ZDHHC14: variants seen among roughly 807,000 people sequenced by gnomAD.
ZDHHC14 encodes the protein palmitoyltransferase ZDHHC14.
Under a neutral mutation model 47.7 loss-of-function variants are expected in ZDHHC14, and 16 were observed. The observed-to-expected ratio is 0.34, with a 90% confidence interval of 0.23 to 0.51. ZDHHC14 has a LOEUF of 0.51. Ranked by LOEUF, ZDHHC14 falls within the 20% of genes least tolerant of loss-of-function variation. The probability of loss-of-function intolerance (pLI) is 0.97; values close to 1 mark genes in which losing one functional copy is unlikely to be tolerated. For missense variants in ZDHHC14, 515 were observed against 662.5 expected, an observed-to-expected ratio of 0.78 and a Z score of 2.44; for synonymous variants, 293 against 278.9, an observed-to-expected ratio of 1.05 and a Z score of -0.50.
At chr6:157,464,378 A>G (rs1204014374) in intron 1 of ZDHHC14, among the ~76,000 whole-genome samples, 1 of 152,194 alleles carries the variant, frequency 6.6e-6, no homozygotes, top group Non-Finnish European at 1.5e-5. Flanking sequence ...TTCTCCTCTG[A>G]CTAAAAAGAG....
At chr6:157,475,080 T>C (rs1402932531) in intron 1 of ZDHHC14, among the ~76,000 whole-genome samples, 2 of 152,226 alleles carry the variant, frequency 1.3e-5, no homozygotes, top group Non-Finnish European at 2.9e-5. Flanking sequence ...GATGAGAGTC[T>C]AATTTCATTC....
intron 2 of ZDHHC14, among the ~76,000 whole-genome samples, chr6:157,588,550 T>C (rs1055326374): frequency 6.6e-6 from 1 of 152,252 alleles, no homozygotes; most frequent in Non-Finnish European, 1.5e-5. Flanking sequence ...TCATGGGTAC[T>C]GTCAGTGAGT....
chr6:157,640,125 C>A (rs993758994), intron 5 of ZDHHC14, among the ~76,000 whole-genome samples: 1 of 152,192 alleles, frequency 6.6e-6, no homozygotes, highest in African/African-American at 2.4e-5. Flanking sequence ...GGGCCCTGGG[C>A]CTCCCTGAGG....
chr6:157,595,150 C>G (rs1784069731), intron 3 of ZDHHC14, among the ~76,000 whole-genome samples: 1 of 136,574 alleles, frequency 7.3e-6, no homozygotes, highest in Non-Finnish European at 1.5e-5. Context: ...CTCATTTATC[C>G]TCTGTTTCTT....
At chr6:157,543,220 T>C (rs1466363827) in intron 2 of ZDHHC14, among the ~76,000 whole-genome samples, 1 of 152,226 alleles carries the variant, frequency 6.6e-6, no homozygotes, top group Non-Finnish European at 1.5e-5. Flanking sequence ...TAAACATGTA[T>C]CTGTGATATG....
intron 1 of ZDHHC14, among the ~76,000 whole-genome samples, chr6:157,412,593 A>G (rs1421981125): frequency 6.6e-6 from 1 of 152,180 alleles, no homozygotes; most frequent in African/African-American, 2.4e-5. Context: ...GTGCCCGGCC[A>G]ATAGAATGCA....
chr6:157,523,604 A>T (rs1227295828), intron 1 of ZDHHC14, among the ~76,000 whole-genome samples: 1 of 152,158 alleles, frequency 6.6e-6, no homozygotes, highest in Non-Finnish European at 1.5e-5. Flanking sequence ...TTCATTAAAA[A>T]ACAAAGATTA....
intron 3 of ZDHHC14, among the ~76,000 whole-genome samples, chr6:157,622,927 C>T (rs1207773902): frequency 6.6e-6 from 1 of 152,168 alleles, no homozygotes; most frequent in Non-Finnish European, 1.5e-5. Context: ...GGTGCCAGGG[C>T]TCTGAGGGTG....
intron 1 of ZDHHC14, among the ~76,000 whole-genome samples, chr6:157,451,470 G>A (rs1455832454): frequency 2.6e-5 from 4 of 152,176 alleles, no homozygotes; most frequent in South Asian, 2.1e-4. Flanking sequence ...TTTGATAAAC[G>A]TTGATTTAAC....
In ZDHHC14 at chr6:157,542,737, G is replaced by A; in HGVS notation, c.398G>A (p.Arg133Lys). ...CCTGATGAAGCCGCCGATCTGGAAA[G>A]GCAAATAGGTAACACTGAAAGTCTG... is the stretch of plus-strand genomic sequence containing the variant. ...ATPDEAADLERQIDIANGTSS... is the reference protein window; with the variant it reads ...ATPDEAADLEKQIDIANGTSS... Residue 133 changes from arginine (R) to lysine (K), a missense_variant, in exon 2 of 9, where the codon AGG becomes AAG. Transcript: ENST00000359775. The A allele has an allele frequency of 6.2e-7, 1 of 1,614,014 alleles. No homozygotes were observed. Among genetic ancestry groups the A allele is most frequent in the South Asian group, 1.1e-5 (1 of 91,046 alleles).
intron 1 of ZDHHC14, among the ~76,000 whole-genome samples, chr6:157,412,458 A>G (rs1193084535): frequency 6.6e-6 from 1 of 151,714 alleles, no homozygotes; most frequent in African/African-American, 2.4e-5. Context: ...GTGTCTGGCT[A>G]ATTTTTATAT....
intron 1 of ZDHHC14, among the ~76,000 whole-genome samples, chr6:157,453,268 T>C (rs953724687): frequency 6.6e-6 from 1 of 152,210 alleles, no homozygotes; most frequent in African/African-American, 2.4e-5. Flanking sequence ...ATCTCTGTAT[T>C]GATCTTTACT....
At chr6:157,672,646 C>T in intron 8 of ZDHHC14, 78 bp from the exon 9 acceptor site, 1 of 616,034 alleles carries the variant, frequency 1.6e-6, no homozygotes. Context: ...CCGCCCGTGC[C>T]CTGTCCCCAT....
intron 2 of ZDHHC14, 49 bp downstream of exon 2, chr6:157,542,794 C>G: frequency 6.3e-7 from 1 of 1,591,954 alleles, no homozygotes; most frequent in Non-Finnish European, 8.6e-7. Flanking sequence ...CCGCCTGGGC[C>G]CAGCTACAGT....
intron 1 of ZDHHC14, among the ~76,000 whole-genome samples, chr6:157,540,906 G>GTATATATATATATATATATATA (rs1470065372): frequency 1.2e-4 from 15 of 127,068 alleles, no homozygotes; most frequent in Non-Finnish European, 2.0e-4. Context: ...GTGTGTGTGT[G>GTATATATATATATATATATATA]TGTGTATATA....
rs768063106 is a variant in ZDHHC14 at position 157,536,819 on chromosome 6, C to CTT, written c.246-5750_246-5749dup. 2.0e-4 allele frequency among the ~76,000 whole-genome samples: 20 copies of CTT among 97,986 alleles called. 2 individuals carry two copies. The highest frequency in any genetic ancestry group is 3.2e-4 in the Non-Finnish European group (17 of 52,638). 64.3% of individuals were successfully genotyped at this position (97,986 alleles called of 152,430 possible). A position where few individuals can be genotyped will look rare whatever the true frequency, so the allele number is the denominator to read the frequency against. On this transcript the variant is annotated intron_variant, in intron 1 of 8. Coordinates refer to ENST00000359775, the MANE Select transcript of ZDHHC14 (RefSeq NM_024630.3). ...TCTGTCTATCTATCCCTCCATCTAT[C>CTT]TTTTTTTTTTTTTTTTTGAGACAGA...
intron 1 of ZDHHC14, among the ~76,000 whole-genome samples, chr6:157,456,748 A>G (rs927849873): frequency 2.0e-5 from 3 of 152,128 alleles, no homozygotes; most frequent in Non-Finnish European, 4.4e-5. Context: ...GAATTTTACA[A>G]TTATTTGGAG....
At chr6:157,393,620 A>T (rs548778817) in intron 1 of ZDHHC14, among the ~76,000 whole-genome samples, 19 of 152,160 alleles carry the variant, frequency 1.2e-4, no homozygotes, top group Non-Finnish European at 1.5e-4. Flanking sequence ...TCCTTGACAT[A>T]ATCTGGTATT....
At chr6:157,548,777 C>T (rs988177053) in intron 2 of ZDHHC14, among the ~76,000 whole-genome samples, 1 of 152,168 alleles carries the variant, frequency 6.6e-6, no homozygotes, top group Admixed American at 6.5e-5. Flanking sequence ...ACTGTGATGC[C>T]GCCTCAGTAG....
Sources: gnomAD v4.1 joint callset for allele counts (sites outside exome capture counted in the v4.1 genomes callset) on GRCh38, gnomAD v4.1.1 for gene constraint, MANE v1.5 for transcripts, NCBI Gene and HGNC (gene_info 2026-07-23, HGNC 2026-07-21) for gene names.